The following PRMT8 variants were observed in gnomAD, a reference collection of about 807,000 sequenced individuals.
PRMT8 encodes protein arginine N-methyltransferase 8.
In PRMT8, 7 loss-of-function variants were observed where a neutral mutation model predicts 47.1. That is an observed-to-expected ratio of 0.15 (90% confidence interval 0.08 to 0.28). The LOEUF (loss-of-function observed/expected upper bound fraction) is 0.28, where lower values mean the gene tolerates loss of function less well. Among genes scored for constraint, PRMT8 ranks in the 10% least tolerant of loss-of-function variants. PRMT8 has a pLI of 1.00. For synonymous variants in PRMT8, 188 were observed against 186.5 expected, an observed-to-expected ratio of 1.01 and a Z score of -0.07; for missense variants, 237 against 505.4, an observed-to-expected ratio of 0.47 and a Z score of 5.09.
intron 1 of PRMT8, among the ~76,000 whole-genome samples, chr12:3,416,831 C>T (rs1180281908): frequency 6.6e-6 from 1 of 152,186 alleles, no homozygotes; most frequent in Non-Finnish European, 1.5e-5. Context: ...TAGAAACTGC[C>T]TGGATGGAGA....
intron 1 of PRMT8, among the ~76,000 whole-genome samples, chr12:3,521,560 G>A (rs1468755028): frequency 6.6e-6 from 1 of 152,066 alleles, no homozygotes; most frequent in Non-Finnish European, 1.5e-5. Context: ...GGCAGCAAGA[G>A]CGAAACTCCG....
chr12:3,391,610 C>A (rs960878182), intron 1 of PRMT8, among the ~76,000 whole-genome samples: 1 of 152,122 alleles, frequency 6.6e-6, no homozygotes, highest in African/African-American at 2.4e-5. Flanking sequence ...GAGTGGAATG[C>A]GAAGCCACTA....
rs750547630 is a variant in PRMT8, at chr12:3,550,019, A to C, written c.345A>C (p.Val115=). ...AGCACGTGTTCAAGGACAAAGTGGT[A>C]CTGGATGTGGGGAGTGGTACTGGGA... is the stretch of plus-strand genomic sequence containing the variant. ...HNKHVFKDKV[V]LDVGSGTGIL... is the part of the protein sequence containing the mutation. The change falls in exon 3 of 10, where the codon GTA becomes GTC. Residue 115 remains valine (V), a synonymous_variant. Transcript: ENST00000382622. The surrounding 1 kb of genome is among the most constrained non-coding windows in gnomAD (Gnocchi z 5.1). The C allele has an allele frequency of 1.4e-5, 22 of 1,614,132 alleles. No individual in the cohort carries two copies. The highest frequency in any genetic ancestry group is 1.9e-5 in the Non-Finnish European group (22 of 1,180,052).
At position 3,552,641 on chromosome 12, in the gene PRMT8, C is replaced by G; in HGVS notation, c.418-1010C>G. 1 of 438,776 alleles carries G rather than the reference C, an allele frequency of 2.3e-6. No homozygotes were observed. The highest frequency in any genetic ancestry group is 1.6e-5 in the South Asian group (1 of 61,658). 27.2% of individuals were successfully genotyped at this position (438,776 alleles called of 1,614,324 possible). A position where few individuals can be genotyped will look rare whatever the true frequency, so the allele number is the denominator to read the frequency against. On this transcript the variant is annotated intron_variant, in intron 3 of 9. Coordinates refer to ENST00000382622, the MANE Select transcript of PRMT8 (RefSeq NM_019854.5). The surrounding 1 kb of genome is among the most constrained non-coding windows in gnomAD (Gnocchi z 4.5). The stretch of plus-strand genomic sequence containing the variant: ...GGGCTGGTTCTCCTGGGACCTGCAC[C>G]CTGGCTGGAGTCGGCCTCCTTGGAT...
At chr12:3,511,571 C>T (rs1211927398) in intron 1 of PRMT8, among the ~76,000 whole-genome samples, 1 of 152,164 alleles carries the variant, frequency 6.6e-6, no homozygotes, top group Non-Finnish European at 1.5e-5. Context: ...CCTTCCCAGG[C>T]CTGGGTTTCT....
At chr12:3,540,528 A>C in intron 1 of PRMT8, 78 bp from the exon 2 acceptor site, 1 of 954,054 alleles carries the variant, frequency 1.0e-6, no homozygotes, top group Non-Finnish European at 1.6e-6. Context: ...GGGAGGGGGA[A>C]GGAAAGAGGA....
intron 1 of PRMT8, among the ~76,000 whole-genome samples, chr12:3,507,513 C>G (rs2137125680): frequency 6.6e-6 from 1 of 152,228 alleles, no homozygotes; most frequent in Admixed American, 6.5e-5. Context: ...CTCTCTCTGA[C>G]AAGCAGTTAT....
chr12:3,497,950 T>G (rs748582334), intron 1 of PRMT8, among the ~76,000 whole-genome samples: 5 of 152,230 alleles, frequency 3.3e-5, no homozygotes, highest in Admixed American at 6.5e-5. Flanking sequence ...TGTGGACTCC[T>G]GGGTCTGTGC....
chr12:3,383,430 C>T lies in PRMT8; in HGVS notation c.48+1988C>T, dbSNP rs113764977. On this transcript the variant is annotated intron_variant, in intron 1 of 9. Transcript: ENST00000452611. The stretch of plus-strand genomic sequence containing the variant: ...GCTTTCAGCATAAAAGTCTGCTATG[C>T]GCTGAATGTGTCCCCTCAAAATTCA... Among the ~76,000 whole-genome samples, 22 of 152,276 alleles carry T rather than the reference C, an allele frequency of 1.4e-4. No homozygotes were observed. The South Asian group carries it at 4.1e-3, about 29-fold the overall frequency.
Position 3,540,614 on chromosome 12 carries a change from C to CCCCCCCGA in PRMT8, c.90_91insGACCCCCC (p.Ser31AspfsTer38). On this transcript the variant is annotated frameshift_variant, in exon 2 of 10. Transcript: ENST00000382622. LOFTEE classifies it high-confidence loss of function. ...CCTTCTCTTCCCCTCAGGTGAACAGCCCCCCCTCCCAGCCCCCCCAGCCCG... is the reference window on the plus strand; with the variant it reads ...CCTTCTCTTCCCCTCAGGTGAACAGCCCCCCCGACCCCCCTCCCAGCCCCCCCAGCCCG... 1 of 716,466 alleles carries CCCCCCCGA rather than the reference C, an allele frequency of 1.4e-6. No individual in the cohort carries two copies. The highest frequency in any genetic ancestry group is 2.5e-6 in the Non-Finnish European group (1 of 402,650). 44.4% of individuals were successfully genotyped at this position (716,466 alleles called of 1,614,324 possible). A position where few individuals can be genotyped will look rare whatever the true frequency, so the allele number is the denominator to read the frequency against.
rs1390069949 is a variant in PRMT8 at position 3,552,914 on chromosome 12, C to G, written c.418-737C>G. On this transcript the variant is annotated intron_variant, in intron 3 of 9. Transcript: ENST00000382622. The surrounding 1 kb of genome is among the most constrained non-coding windows in gnomAD (Gnocchi z 4.5). ...CGGAGGTGAGGACGGCTCTTGGCAG[C>G]TGCCCCTCCATGTCCAGAACCCCTG... The G allele has an allele frequency of 5.4e-6, 2 of 373,684 alleles. No homozygotes were observed. Among genetic ancestry groups the G allele is most frequent in the Non-Finnish European group, 1.1e-5 (2 of 185,902 alleles). 23.1% of individuals were successfully genotyped at this position (373,684 alleles called of 1,614,324 possible).
At chr12:3,579,297 C>G (rs1452809006) in intron 7 of PRMT8, among the ~76,000 whole-genome samples, 1 of 152,116 alleles carries the variant, frequency 6.6e-6, no homozygotes, top group East Asian at 1.9e-4. Context: ...CTGCCCCTGA[C>G]CCAGGCCCCA....
chr12:3,510,182 G>A lies in PRMT8; in HGVS notation c.75+18482G>A, dbSNP rs141307111. On this transcript the variant is annotated intron_variant, in intron 1 of 9. Coordinates refer to ENST00000382622, the MANE Select transcript of PRMT8 (RefSeq NM_019854.5). ...CCTGAGGCCAAGGCTCCTAATTGCG[G>A]GCACTCAGGGCCTGGGGTCCTGCTC... Among the ~76,000 whole-genome samples the A allele has an allele frequency of 4.8e-4, 73 of 152,282 alleles. 2 individuals carry two copies. The South Asian group carries it at 0.012, about 25-fold the overall frequency.
At chr12:3,487,168 T>C (rs1865330697), upstream of PRMT8, among the ~76,000 whole-genome samples, 1 of 152,210 alleles carries the variant, frequency 6.6e-6, no homozygotes, top group South Asian at 2.1e-4. Context: ...TGATGGATCA[T>C]GGCTCTGGCC....
intron 2 of PRMT8, among the ~76,000 whole-genome samples, chr12:3,542,135 T>C (rs1050245748): frequency 1.3e-5 from 2 of 152,154 alleles, no homozygotes; most frequent in African/African-American, 4.8e-5. Flanking sequence ...AGGTAGAGGG[T>C]GGAAGGAGGC....
intron 2 of PRMT8, among the ~76,000 whole-genome samples, chr12:3,548,101 A>G (rs1866357385): frequency 6.6e-6 from 1 of 152,214 alleles, no homozygotes; most frequent in Non-Finnish European, 1.5e-5. Context: ...GATTTTTGGT[A>G]AAGGTGACAA....
intron 1 of PRMT8, among the ~76,000 whole-genome samples, chr12:3,531,618 A>G (rs1320772315): frequency 6.6e-6 from 1 of 152,208 alleles, no homozygotes; most frequent in Non-Finnish European, 1.5e-5. Flanking sequence ...TTGTACCACC[A>G]AGAGACAGCC....
chr12:3,564,557 G>T lies in PRMT8; in HGVS notation c.482-4149G>T, dbSNP rs918361648. Among the ~76,000 whole-genome samples the T allele has an allele frequency of 6.6e-6, 1 of 152,222 alleles. No individual in the cohort carries two copies. The highest frequency in any genetic ancestry group is 1.5e-5 in the Non-Finnish European group (1 of 68,044). On this transcript the variant is annotated intron_variant, in intron 4 of 9. Coordinates refer to ENST00000382622, the MANE Select transcript of PRMT8 (RefSeq NM_019854.5). This position sits in a 1 kb window ranked among gnomAD's most constrained non-coding sequence, Gnocchi z 4.0. ...AAGTTTTCCCAATTTAGAGTCTATTGCTCCCTGCTGTGCATTTAGTTCTGA... is the reference window on the plus strand; with the variant it reads ...AAGTTTTCCCAATTTAGAGTCTATTTCTCCCTGCTGTGCATTTAGTTCTGA...
At chr12:3,487,167 A>C (rs2137105879), upstream of PRMT8, among the ~76,000 whole-genome samples, 1 of 152,320 alleles carries the variant, frequency 6.6e-6, no homozygotes, top group South Asian at 2.1e-4. Flanking sequence ...GTGATGGATC[A>C]TGGCTCTGGC....
Sources: gnomAD v4.1 joint callset for allele counts (sites outside exome capture counted in the v4.1 genomes callset) on GRCh38, gnomAD v4.1.1 for gene constraint, Gnocchi (gnomAD v3.1) non-coding constraint, MANE v1.5 for transcripts, NCBI Gene and HGNC (gene_info 2026-07-23, HGNC 2026-07-21) for gene names.